Variants in UBTF observed in about 807,000 individuals in gnomAD.
UBTF encodes nucleolar transcription factor 1.
In UBTF, 8 loss-of-function variants were observed where a neutral mutation model predicts 112.3. The ratio of observed to expected loss-of-function variants is 0.07; its 90% CI spans 0.04 to 0.13. The LOEUF (loss-of-function observed/expected upper bound fraction) is 0.13. UBTF is among the 10% of genes least tolerant of loss of function. UBTF has a pLI of 1.00. For missense variants in UBTF, 457 were observed against 982.1 expected (o/e 0.47, Z 7.15); for synonymous variants, 417 against 373.1 (o/e 1.12, Z -1.36).
At chr17:44,213,361 C>A in intron 5 of UBTF, 79 bp from the exon 6 acceptor site, 1 of 1,453,322 alleles carries the variant, frequency 6.9e-7, no homozygotes. Context: ...CAGACCCCTC[C>A]TCGCTGGCTC....
upstream of UBTF, among the ~76,000 whole-genome samples, chr17:44,220,145 C>A (rs1287309736): frequency 6.6e-6 from 1 of 150,510 alleles, no homozygotes; most frequent in Non-Finnish European, 1.5e-5. Flanking sequence ...GGGCTCGGAG[C>A]CTAGGCGGGC....
upstream of UBTF, chr17:44,219,804 G>C (rs549167379): frequency 8.6e-5 from 13 of 151,092 alleles, no homozygotes; most frequent in African/African-American, 3.2e-4. Flanking sequence ...GGAGGAGGAG[G>C]AGCGGGAGGG....
chr17:44,209,430 C>T lies in UBTF; in HGVS notation c.1827G>A (p.Gln609=), dbSNP rs2056508994. The T allele has an allele frequency of 6.2e-7, 1 of 1,614,074 alleles. No homozygotes were observed. The highest frequency in any genetic ancestry group is 1.3e-5 in the African/African-American group (1 of 74,942). ...EIGSRWQRIS[Q]SQKEHYKKLA... is the part of the protein sequence containing the mutation. ...GCTTTTTGTAGTGCTCCTTCTGGCT[C>T]TGGGAGATGCGCTGCCAGCGACTGC... The change falls in exon 17 of 21, where the codon CAG becomes CAA. Residue 609 remains glutamine (Q), a synonymous_variant. Transcript: ENST00000436088.
intron 1 of UBTF, 183 bp from the exon 2 acceptor site, chr17:44,218,479 CCA>C: frequency 2.0e-6 from 1 of 496,690 alleles, no homozygotes; most frequent in Non-Finnish European, 3.5e-6. Flanking sequence ...ACCCCCTCCC[CCA>C]GCCCCTGCAG....
At position 44,218,164 on chromosome 17, in the gene UBTF, G is replaced by GC. The variant is rs1239747472; in HGVS notation, c.58+7dup. On this transcript the variant is annotated splice_region_variant and intron_variant, in intron 2 of 20. Coordinates refer to ENST00000436088, the MANE Select transcript of UBTF (RefSeq NM_014233.4). Reference sequence around the variant, plus strand: ...AAGTTTCAGAGGGCCGGGGGTGGATGCCCCTACCTTGGCCTTTGGGGGCGG... The same window carrying GC: ...AAGTTTCAGAGGGCCGGGGGTGGATGCCCCCTACCTTGGCCTTTGGGGGCGG... The GC allele has an allele frequency of 6.2e-7, 1 of 1,612,342 alleles. No individual in the cohort carries two copies. The highest frequency in any genetic ancestry group is 8.5e-7 in the Non-Finnish European group (1 of 1,179,336).
chr17:44,213,526 T>G (rs2046684958), intron 5 of UBTF, among the ~76,000 whole-genome samples: 1 of 152,178 alleles, frequency 6.6e-6, no homozygotes, highest in Non-Finnish European at 1.5e-5. Flanking sequence ...TATTCTCTCC[T>G]TCTGAGCAAG....
At chr17:44,212,517 G>T in intron 7 of UBTF, 63 bp from the exon 8 acceptor site, 1 of 392,966 alleles carries the variant, frequency 2.5e-6, no homozygotes, top group Non-Finnish European at 5.0e-6. Context: ...GGGGAAGGGG[G>T]AAGGGGGCAC....
At chr17:44,212,072 G>C in intron 8 of UBTF, 66 bp from the exon 9 acceptor site, 1 of 1,545,170 alleles carries the variant, frequency 6.5e-7, no homozygotes, top group Non-Finnish European at 8.8e-7. Flanking sequence ...GGGGCAGGGG[G>C]AGAGCCGCTG....
In UBTF at chr17:44,210,764, G is replaced by A. The variant is rs756664714; in HGVS notation, c.1359+28C>T. ...AGGGGGCCCTGGCAGCCCCCCTGGGGGCACAGCGCTCCGCCAGGCAGCCTG... is the reference window on the plus strand; with the variant it reads ...AGGGGGCCCTGGCAGCCCCCCTGGGAGCACAGCGCTCCGCCAGGCAGCCTG... On this transcript the variant is annotated intron_variant, in intron 13 of 20. Coordinates refer to ENST00000436088, the MANE Select transcript of UBTF (RefSeq NM_014233.4). 31 of 1,553,260 alleles carry A rather than the reference G, an allele frequency of 2.0e-5. No homozygotes were observed. In the African/African-American group the frequency reaches 3.8e-4, roughly 19 times the overall value.
Position 44,212,264 on chromosome 17 carries a change from C to T in UBTF, c.771+80G>A, listed in dbSNP as rs545336166. On this transcript the variant is annotated intron_variant, in intron 8 of 20. Transcript: ENST00000436088. ...CAGAGGGATGGGGAGTGACACCTCC[C>T]GCAGAGTGCGGTGGCCACGGAGTCG... is the stretch of plus-strand genomic sequence containing the variant. 6.2e-5 allele frequency: 79 copies of T among 1,275,558 alleles called. 2 individuals carry two copies. The South Asian group carries it at 7.3e-4, about 12-fold the overall frequency. The allele number at this position is 1,275,558 out of a possible 1,614,324, so 79.0% of individuals were successfully genotyped here. A position where few individuals can be genotyped will look rare whatever the true frequency, so the allele number is the denominator to read the frequency against.
In UBTF at chr17:44,211,086, GCTT is replaced by G; in HGVS notation, c.1153_1155del (p.Lys385del). Reference sequence around the variant, plus strand: ...TTCTTGGAGGCGGGGCTGGTGGCCTGCTTCTTGTTGATGTTCAGCATCTTCTCT... The same window carrying G: ...TTCTTGGAGGCGGGGCTGGTGGCCTGCTTGTTGATGTTCAGCATCTTCTCT... On this transcript the variant is annotated inframe_deletion, in exon 12 of 21. Transcript: ENST00000436088. This position sits in a 1 kb window ranked among gnomAD's most constrained non-coding sequence, Gnocchi z 4.9. 6.2e-7 allele frequency: 1 copy of G among 1,612,894 alleles called. No individual in the cohort carries two copies. Among genetic ancestry groups the G allele is most frequent in the Non-Finnish European group, 8.5e-7 (1 of 1,179,996 alleles).
rs368740860 is a variant in UBTF, at chr17:44,211,760, C to T, written c.906-13G>A. ...CGAGTAGCTGTTCCTATCAGAGCCG[C>T]GGGGAGAGAGGTGCAGCCCGTAAGC... On this transcript the variant is annotated splice_polypyrimidine_tract_variant and intron_variant, in intron 9 of 20. Coordinates refer to ENST00000436088, the MANE Select transcript of UBTF (RefSeq NM_014233.4). This position sits in a 1 kb window ranked among gnomAD's most constrained non-coding sequence, Gnocchi z 4.9. The T allele has an allele frequency of 1.9e-5, 30 of 1,603,280 alleles. No individual in the cohort carries two copies. Among genetic ancestry groups the T allele is most frequent in the East Asian group, 2.2e-5 (1 of 44,762 alleles).
intron 7 of UBTF, 36 bp downstream of exon 7, chr17:44,212,783 G>A: frequency 2.5e-6 from 4 of 1,611,282 alleles, no homozygotes; most frequent in South Asian, 1.1e-5. Context: ...CCACCGCCGT[G>A]CATCCTCCAC....
chr17:44,210,713 A>C, intron 13 of UBTF, 79 bp downstream of exon 13: 2 of 1,528,546 alleles, frequency 1.3e-6, no homozygotes, highest in Non-Finnish European at 8.8e-7. Flanking sequence ...GCCAGGGGCG[A>C]GGTGGCACGG....
In UBTF at chr17:44,210,592, C is replaced by T. The variant is rs891115291; in HGVS notation, c.1360-119G>A. On this transcript the variant is annotated intron_variant, in intron 13 of 20. Transcript: ENST00000436088. ...AGCATGGGCTGGTGCAGATGTCTCC[C>T]GCCTGGGGCTCGCCCCCGCCTGGTC... is the stretch of plus-strand genomic sequence containing the variant. 4.3e-6 allele frequency: 6 copies of T among 1,403,982 alleles called. No individual in the cohort carries two copies. The Admixed American group carries it at 9.1e-5, about 21-fold the overall frequency. The allele number at this position is 1,403,982 out of a possible 1,614,324, so 87.0% of individuals were successfully genotyped here. A position where few individuals can be genotyped will look rare whatever the true frequency, so the allele number is the denominator to read the frequency against.
rs565421581 is a variant in UBTF, at chr17:44,212,896, T to C, written c.583A>G (p.Ile195Val). ...TGGGGGGTTTTGGGCTTCTCTGGGA[T>C]GTCCGATTTCTTGGCATTCTGGATT... ...DLIQNAKKSD[I>V]PEKPKTPQQL... is the part of the protein sequence containing the mutation. The change falls in exon 7 of 21, where the codon ATC becomes GTC. Residue 195 changes from isoleucine to valine, a missense_variant. By Grantham distance (29) the Ile-to-Val change is conservative. This residue lies in a region of UBTF where 87 missense variants were observed against 286.6 expected (regional missense o/e 0.30). Transcript: ENST00000436088. 13 of 1,614,130 alleles carry C rather than the reference T, an allele frequency of 8.1e-6. No homozygotes were observed. Among genetic ancestry groups the C allele is most frequent in the Non-Finnish European group, 1.1e-5 (13 of 1,179,968 alleles).
chr17:44,210,154 C>G lies in UBTF; in HGVS notation c.1596G>C (p.Lys532Asn). Residue 532 changes from lysine to asparagine, a missense_variant, in exon 15 of 21, where the codon AAG becomes AAC. By Grantham distance (94) the Lys-to-Asn change is moderately conservative. This residue lies in a region of UBTF where 77 missense variants were observed against 211.9 expected (regional missense o/e 0.36). Transcript: ENST00000436088. Reference sequence around the variant, plus strand: ...ATCGCTTTTGGTCTTCGGCTGCCTTCTTAATCCACATCAGTTTCTCCTTCT... The same window carrying G: ...ATCGCTTTTGGTCTTCGGCTGCCTTGTTAATCCACATCAGTTTCTCCTTCT... ...MEKKEKLMWIKKAAEDQKRYE... is the reference protein window; with the variant it reads ...MEKKEKLMWINKAAEDQKRYE... 6.2e-7 allele frequency: 1 copy of G among 1,614,236 alleles called. No individual in the cohort carries two copies. Among genetic ancestry groups the G allele is most frequent in the Non-Finnish European group, 8.5e-7 (1 of 1,180,040 alleles).
At chr17:44,220,054 C>T (rs1318847024), upstream of UBTF, among the ~76,000 whole-genome samples, 7 of 117,096 alleles carry the variant, frequency 6.0e-5, no homozygotes, top group Non-Finnish European at 1.0e-4. Flanking sequence ...GCGGCGGCGG[C>T]TGCTGCTGCT....
Position 44,210,589 on chromosome 17 carries a change from T to TCCCGCCTGGGGCTCGCC in UBTF, c.1360-133_1360-117dup, listed in dbSNP as rs1259424419. ...AGAAGCATGGGCTGGTGCAGATGTC[T>TCCCGCCTGGGGCTCGCC]CCCGCCTGGGGCTCGCCCCCGCCTG... On this transcript the variant is annotated intron_variant, in intron 13 of 20. Transcript: ENST00000436088. The TCCCGCCTGGGGCTCGCC allele has an allele frequency of 5.5e-5, 77 of 1,405,354 alleles. 2 individuals carry two copies. The highest frequency in any genetic ancestry group is 3.4e-4 in the South Asian group (23 of 66,938). 87.1% of individuals were successfully genotyped at this position (1,405,354 alleles called of 1,614,324 possible). A position where few individuals can be genotyped will look rare whatever the true frequency, so the allele number is the denominator to read the frequency against.
Sources: gnomAD v4.1 joint callset for allele counts (sites outside exome capture counted in the v4.1 genomes callset) on GRCh38, gnomAD v4.1.1 for gene constraint, gnomAD v4.1.1 regional missense constraint, Gnocchi (gnomAD v3.1) non-coding constraint, MANE v1.5 for transcripts, NCBI Gene and HGNC (gene_info 2026-07-23, HGNC 2026-07-21) for gene names.